Variants in ARHGAP10 observed in about 807,000 individuals in gnomAD.
ARHGAP10 encodes rho GTPase-activating protein 10.
ARHGAP10 carries 87 observed loss-of-function variants against 108.6 expected under a neutral mutation model. The observed-to-expected ratio is 0.80, with a 90% confidence interval of 0.67 to 0.96. ARHGAP10 has a LOEUF of 0.96. ARHGAP10 is among the 40% of genes least tolerant of loss of function. The pLI is 0.00. For synonymous variants in ARHGAP10, 347 were observed against 341.1 expected (o/e 1.02, Z -0.19); for missense variants, 939 against 954.5 (o/e 0.98, Z 0.21).
chr4:147,844,325 C>G (rs1436490), intron 3 of ARHGAP10, among the ~76,000 whole-genome samples: 21,318 of 152,098 alleles, frequency 0.14, 1,555 homozygotes, highest in African/African-American at 0.19. Context: ...AGCATTTATC[C>G]TTTGTGTTAC....
chr4:147,785,577 G>A (rs897268392), intron 1 of ARHGAP10, among the ~76,000 whole-genome samples: 2 of 152,122 alleles, frequency 1.3e-5, no homozygotes, highest in Non-Finnish European at 2.9e-5. Flanking sequence ...TGTAGTTTAT[G>A]CTTTCAAACA....
intron 10 of ARHGAP10, among the ~76,000 whole-genome samples, chr4:147,906,350 G>A (rs571915551): frequency 2.6e-5 from 4 of 152,148 alleles, no homozygotes; most frequent in Non-Finnish European, 4.4e-5. Flanking sequence ...TGGAATATTA[G>A]GCTTTTATGT....
At chr4:147,786,721 TTCAACAGTGATTACTA>T (rs1474589366) in intron 1 of ARHGAP10, among the ~76,000 whole-genome samples, 1 of 152,242 alleles carries the variant, frequency 6.6e-6, no homozygotes, top group East Asian at 1.9e-4. Context: ...TTGGAATTTA[TTCAACAGTGATTACTA>T]TCTTGAACCT....
In ARHGAP10 at chr4:147,745,771, G is replaced by A. The variant is rs7699081; in HGVS notation, c.154+13316G>A. Among the ~76,000 whole-genome samples, 1,376 of 148,830 alleles carry A rather than the reference G, an allele frequency of 9.2e-3. 14 individuals are homozygous for A. Among genetic ancestry groups the A allele is most frequent in the African/African-American group, 0.032 (1,308 of 40,898 alleles). Reference sequence around the variant, plus strand: ...CTCCCAAAGTGCTGGGATTACAGGTGTGAGCCACTGTGCCCGGCCTTTTTT... The same window carrying A: ...CTCCCAAAGTGCTGGGATTACAGGTATGAGCCACTGTGCCCGGCCTTTTTT... On this transcript the variant is annotated intron_variant, in intron 1 of 22. Transcript: ENST00000336498.
chr4:147,901,538 A>AT (rs1579178913), intron 10 of ARHGAP10, among the ~76,000 whole-genome samples: 2 of 152,296 alleles, frequency 1.3e-5, no homozygotes, highest in East Asian at 3.9e-4. Flanking sequence ...CTTTCAACAA[A>AT]TTTGTTCTCT....
At chr4:148,025,557 A>G (rs977990877) in intron 19 of ARHGAP10, among the ~76,000 whole-genome samples, 18 of 151,864 alleles carry the variant, frequency 1.2e-4, no homozygotes, top group African/African-American at 2.9e-4. Context: ...AGTAGGGTCT[A>G]TATTTTGTCA....
chr4:147,976,525 T>C (rs1739602333), intron 18 of ARHGAP10, among the ~76,000 whole-genome samples: 1 of 150,090 alleles, frequency 6.7e-6, no homozygotes, highest in Non-Finnish European at 1.5e-5. Context: ...ATGAAAACTT[T>C]ACTGTTTTGT....
At chr4:147,913,267 A>G (rs746368346) in intron 13 of ARHGAP10, 128 bp downstream of exon 13, 4 of 756,098 alleles carry the variant, frequency 5.3e-6, no homozygotes, top group Non-Finnish European at 8.9e-6. Flanking sequence ...CATTCTGAGT[A>G]TCAGAAGGAT....
intron 18 of ARHGAP10, among the ~76,000 whole-genome samples, chr4:147,970,902 A>G (rs1387695310): frequency 6.6e-6 from 1 of 152,152 alleles, no homozygotes; most frequent in African/African-American, 2.4e-5. Flanking sequence ...AGCCTGGCCA[A>G]CATGGCAAAA....
intron 20 of ARHGAP10, among the ~76,000 whole-genome samples, chr4:148,055,914 C>T (rs1393553905): frequency 1.3e-5 from 2 of 152,084 alleles, no homozygotes; most frequent in African/African-American, 2.4e-5. Flanking sequence ...ATTCTCCATC[C>T]GAATTGTCTT....
chr4:147,802,884 A>G (rs1731637777), intron 1 of ARHGAP10, among the ~76,000 whole-genome samples: 1 of 152,222 alleles, frequency 6.6e-6, no homozygotes. Flanking sequence ...CAAATGAAAC[A>G]TGGTGCCCCC....
At chr4:148,019,472 A>C (rs1439448464) in intron 18 of ARHGAP10, among the ~76,000 whole-genome samples, 2 of 152,120 alleles carry the variant, frequency 1.3e-5, no homozygotes, top group Non-Finnish European at 2.9e-5. Context: ...CTGGCCCGGC[A>C]TGGGCATGGT....
At chr4:148,028,910 A>T (rs1449216488) in intron 19 of ARHGAP10, among the ~76,000 whole-genome samples, 1 of 152,234 alleles carries the variant, frequency 6.6e-6, no homozygotes, top group Non-Finnish European at 1.5e-5. Flanking sequence ...GCTCATAGGT[A>T]AATCTATCAT....
At chr4:147,774,212 A>C (rs990794769) in intron 1 of ARHGAP10, among the ~76,000 whole-genome samples, 1 of 152,224 alleles carries the variant, frequency 6.6e-6, no homozygotes, top group African/African-American at 2.4e-5. Context: ...AAATTCCTAT[A>C]TTTGACCATG....
At chr4:148,006,113 C>G (rs1388121343) in intron 18 of ARHGAP10, among the ~76,000 whole-genome samples, 13 of 152,224 alleles carry the variant, frequency 8.5e-5, no homozygotes. Context: ...GCAGCTGCCA[C>G]TTCTTTCCTC....
intron 18 of ARHGAP10, among the ~76,000 whole-genome samples, chr4:148,003,700 A>G (rs556992969): frequency 1.4e-3 from 209 of 152,292 alleles, no homozygotes; most frequent in African/African-American, 4.6e-3. Flanking sequence ...TTGTTGGTTT[A>G]AAGTCTGTTT....
intron 1 of ARHGAP10, among the ~76,000 whole-genome samples, chr4:147,766,212 C>T (rs922729757): frequency 4.6e-5 from 7 of 152,032 alleles, no homozygotes; most frequent in African/African-American, 1.7e-4. Flanking sequence ...ATCGCTTGAC[C>T]CTGGGAGGCA....
At chr4:147,921,264 G>C (rs1321852267) in intron 13 of ARHGAP10, among the ~76,000 whole-genome samples, 2 of 152,202 alleles carry the variant, frequency 1.3e-5, no homozygotes, top group African/African-American at 4.8e-5. Flanking sequence ...GGGTAATGAA[G>C]GATGTCAAGG....
chr4:147,863,985 G>C (rs917805988), intron 5 of ARHGAP10: 4 of 152,224 alleles, frequency 2.6e-5, no homozygotes, highest in Non-Finnish European at 5.9e-5. Context: ...GCATCCTAAT[G>C]ATGAGCGATG....
Sources: allele counts gnomAD v4.1 joint callset (sites outside exome capture counted in the v4.1 genomes callset), GRCh38; gene constraint gnomAD v4.1.1; transcripts MANE v1.5; gene names NCBI Gene and HGNC (gene_info 2026-07-23, HGNC 2026-07-21).